The following BNIP3L variants were observed in gnomAD, a reference collection of about 807,000 sequenced individuals.
The protein encoded by BNIP3L is BCL2/adenovirus E1B 19 kDa protein-interacting protein 3-like.
Under a neutral mutation model 25.5 loss-of-function variants are expected in BNIP3L, and 10 were observed. The ratio of observed to expected loss-of-function variants is 0.39; its 90% confidence interval spans 0.24 to 0.67. The LOEUF (loss-of-function observed/expected upper bound fraction) is 0.67. Among genes scored for constraint, BNIP3L ranks in the 30% least tolerant of loss-of-function variants. The probability of loss-of-function intolerance (pLI) is 0.45; values close to 1 mark genes in which losing one functional copy is unlikely to be tolerated. For synonymous variants in BNIP3L, 113 were observed against 101.2 expected (o/e 1.12, Z -0.70); for missense variants, 215 against 270.9 (o/e 0.79, Z 1.45).
intron 2 of BNIP3L, among the ~76,000 whole-genome samples, chr8:26,394,687 C>T (rs907356046): frequency 6.6e-6 from 1 of 152,170 alleles, no homozygotes; most frequent in African/African-American, 2.4e-5. Context: ...TGCTATCACA[C>T]ATCATGTAGC....
chr8:26,389,726 T>C (rs547772723), intron 1 of BNIP3L, among the ~76,000 whole-genome samples: 1 of 152,338 alleles, frequency 6.6e-6, no homozygotes, highest in South Asian at 2.1e-4. Flanking sequence ...TGTTTACAAA[T>C]GAGGAAGCTG....
intron 1 of BNIP3L, 102 bp from the exon 2 acceptor site, chr8:26,391,141 G>T: frequency 1.0e-6 from 1 of 981,026 alleles, no homozygotes; most frequent in Non-Finnish European, 1.5e-6. Flanking sequence ...CATTTGGTTT[G>T]AGGAGAGTCA....
At chr8:26,401,991 G>A (rs1261365738) in intron 3 of BNIP3L, among the ~76,000 whole-genome samples, 2 of 152,094 alleles carry the variant, frequency 1.3e-5, no homozygotes, top group Non-Finnish European at 2.9e-5. Flanking sequence ...TGTATTTAGG[G>A]TGCTTGAAAA....
At chr8:26,386,624 C>T (rs538723291) in intron 1 of BNIP3L, among the ~76,000 whole-genome samples, 4 of 152,092 alleles carry the variant, frequency 2.6e-5, no homozygotes, top group Admixed American at 6.6e-5. Context: ...TTGTAGAGTT[C>T]GAGTTTCACT....
rs1229302395 is a variant in BNIP3L at position 26,410,852 on chromosome 8, C to T, written c.*440C>T. On this transcript the variant is annotated 3_prime_UTR_variant, in exon 6 of 6. Transcript: ENST00000380629. ...AATGATGTAAAAGAAGCTTTATTGTCTAGTTGTTTTTTTTCCCCCAAGACA... is the reference window on the plus strand; with the variant it reads ...AATGATGTAAAAGAAGCTTTATTGTTTAGTTGTTTTTTTTCCCCCAAGACA... 6.6e-6 allele frequency: 1 copy of T among 151,962 alleles called. No individual in the cohort carries two copies. The highest frequency in any genetic ancestry group is 6.6e-5 in the Admixed American group (1 of 15,232). 9.4% of individuals were successfully genotyped at this position (151,962 alleles called of 1,614,324 possible). A position where few individuals can be genotyped will look rare whatever the true frequency, so the allele number is the denominator to read the frequency against.
rs1806207654 is a variant in BNIP3L, at chr8:26,395,251, G to T, written c.306G>T (p.Gly102=). 1 of 1,614,076 alleles carries T rather than the reference G, an allele frequency of 6.2e-7. No individual in the cohort carries two copies. Among genetic ancestry groups the T allele is most frequent in the Middle Eastern group, 1.7e-4 (1 of 6,060 alleles). The change falls in exon 3 of 6, where the codon GGG becomes GGT. Residue 102 remains glycine (G), a synonymous_variant. Transcript: ENST00000380629. ...CTAGCCCTTCGCCACAAGAAGATGGGCAGATCATGTTTGATGTGGAAATGC... is the reference window on the plus strand; with the variant it reads ...CTAGCCCTTCGCCACAAGAAGATGGTCAGATCATGTTTGATGTGGAAATGC... ...HCDSPSPQED[G]QIMFDVEMHT...
intron 3 of BNIP3L, among the ~76,000 whole-genome samples, chr8:26,402,843 TCTC>T (rs1806418573): frequency 6.6e-6 from 1 of 152,242 alleles, no homozygotes; most frequent in South Asian, 2.1e-4. Context: ...TTCTTCCTCT[TCTC>T]TGCATACGTT....
At chr8:26,384,766 G>A (rs1003426197) in intron 1 of BNIP3L, among the ~76,000 whole-genome samples, 5 of 127,970 alleles carry the variant, frequency 3.9e-5, no homozygotes, top group African/African-American at 1.5e-4. Flanking sequence ...GTAGAGTCTC[G>A]CTCTGTCTAC....
Position 26,410,444 on chromosome 8 carries a change from A to T in BNIP3L, c.*32A>T. On this transcript the variant is annotated 3_prime_UTR_variant, in exon 6 of 6. Coordinates refer to ENST00000380629, the MANE Select transcript of BNIP3L (RefSeq NM_004331.3). ...GGAAAAGCCCCTGGAAATGCGTGTG[A>T]CCTGTGAAGTGGTGTATTGTCACAG... 6.2e-7 allele frequency: 1 copy of T among 1,613,176 alleles called. No homozygotes were observed. Among genetic ancestry groups the T allele is most frequent in the Non-Finnish European group, 8.5e-7 (1 of 1,179,112 alleles).
At chr8:26,409,105 G>A (rs1806566438) in intron 5 of BNIP3L, among the ~76,000 whole-genome samples, 1 of 149,580 alleles carries the variant, frequency 6.7e-6, no homozygotes, top group African/African-American at 2.5e-5. Context: ...TAATGAAACT[G>A]GTAGGTTGAT....
intron 5 of BNIP3L, among the ~76,000 whole-genome samples, chr8:26,409,289 A>AAG (rs1180575098): frequency 1.7e-4 from 26 of 152,234 alleles, no homozygotes; most frequent in African/African-American, 5.8e-4. Context: ...TTTAGGAGTT[A>AAG]AACAGTAGCT....
chr8:26,403,221 TTAA>T (rs2117488986), intron 3 of BNIP3L, among the ~76,000 whole-genome samples: 1 of 152,304 alleles, frequency 6.6e-6, no homozygotes, highest in African/African-American at 2.4e-5. Context: ...TGAGTAGGAC[TTAA>T]TAAGGGAGCT....
intron 1 of BNIP3L, among the ~76,000 whole-genome samples, chr8:26,386,742 A>G (rs1211106774): frequency 6.6e-6 from 1 of 152,228 alleles, no homozygotes; most frequent in African/African-American, 2.4e-5. Context: ...AACATCTTCA[A>G]GCACAATGTC....
chr8:26,404,978 G>C (rs1327755168), intron 3 of BNIP3L, among the ~76,000 whole-genome samples: 1 of 152,232 alleles, frequency 6.6e-6, no homozygotes, highest in East Asian at 1.9e-4. Context: ...AGGAAGCACA[G>C]AGTGGTAGTG....
intron 3 of BNIP3L, among the ~76,000 whole-genome samples, chr8:26,401,337 A>T (rs1806366787): frequency 1.4e-5 from 2 of 145,936 alleles, no homozygotes; most frequent in Admixed American, 6.9e-5. Context: ...AACACCGCAT[A>T]TTCTCACTCA....
At chr8:26,383,286 C>T (rs1312941999) in intron 1 of BNIP3L, 56 bp downstream of exon 1, 21 of 1,558,134 alleles carry the variant, frequency 1.3e-5, no homozygotes, top group Admixed American at 7.8e-5. Flanking sequence ...GCAGCCCCGG[C>T]CGCCGCCACC....
intron 1 of BNIP3L, 43 bp from the exon 2 acceptor site, chr8:26,391,200 A>G: frequency 3.3e-6 from 5 of 1,517,336 alleles, no homozygotes; most frequent in Non-Finnish European, 4.4e-6. Flanking sequence ...CACATGACAG[A>G]TTTCAGTTCT....
intron 3 of BNIP3L, among the ~76,000 whole-genome samples, chr8:26,399,920 C>G (rs1326813326): frequency 6.8e-6 from 1 of 148,146 alleles, no homozygotes; most frequent in African/African-American, 2.5e-5. Flanking sequence ...AAAGAGGATA[C>G]AAAGAAATGG....
rs1806468690 is a variant in BNIP3L, at chr8:26,405,055, T to C, written c.358-2945T>C. 2.6e-5 allele frequency among the ~76,000 whole-genome samples: 4 copies of C among 152,354 alleles called. 1 individual carries two copies. In the South Asian group the frequency reaches 8.3e-4, roughly 32 times the overall value. On this transcript the variant is annotated intron_variant, in intron 3 of 5. Transcript: ENST00000380629. Reference sequence around the variant, plus strand: ...GTTGGGAAACTTATGGAGTTCTTTTTTGTTTTGTTTTCTTTTTAAAACACT... The same window carrying C: ...GTTGGGAAACTTATGGAGTTCTTTTCTGTTTTGTTTTCTTTTTAAAACACT...
Sources: allele counts gnomAD v4.1 joint callset (sites outside exome capture counted in the v4.1 genomes callset), GRCh38; gene constraint gnomAD v4.1.1; transcripts MANE v1.5; gene names NCBI Gene and HGNC (gene_info 2026-07-23, HGNC 2026-07-21).